Variants in TMEM163 observed in about 807,000 individuals in gnomAD.
The protein encoded by TMEM163 is transmembrane protein 163.
TMEM163 carries 17 observed loss-of-function variants against 29.3 expected under a neutral mutation model. That is an observed-to-expected ratio of 0.58 (90% CI 0.40 to 0.87). The LOEUF (loss-of-function observed/expected upper bound fraction) is 0.87. Among genes scored for constraint, TMEM163 ranks in the 40% least tolerant of loss-of-function variants. TMEM163 has a pLI of 0.00. For missense variants in TMEM163, 303 were observed against 381.5 expected (o/e 0.79, Z 1.71); for synonymous variants, 157 against 160.6 (o/e 0.98, Z 0.17).
At chr2:134,636,863 G>A (rs1683116132) in intron 2 of TMEM163, among the ~76,000 whole-genome samples, 1 of 152,134 alleles carries the variant, frequency 6.6e-6, no homozygotes, top group African/African-American at 2.4e-5. Flanking sequence ...TGGCTCCTCT[G>A]GTCTTGTGGT....
intron 5 of TMEM163, among the ~76,000 whole-genome samples, chr2:134,485,450 G>A (rs1172153623): frequency 2.0e-5 from 3 of 152,182 alleles, no homozygotes; most frequent in African/African-American, 2.4e-5. Context: ...ATTTAGAAAC[G>A]TATTACAAGG....
At chr2:134,660,622 A>G (rs761655904) in intron 2 of TMEM163, among the ~76,000 whole-genome samples, 13 of 152,180 alleles carry the variant, frequency 8.5e-5, no homozygotes, top group Non-Finnish European at 1.9e-4. Flanking sequence ...CTCATCTTCT[A>G]AATGTGCCCA....
rs377245779 is a variant in TMEM163, at chr2:134,468,470, G to C, written c.556-2245C>G. On this transcript the variant is annotated intron_variant, in intron 5 of 7. Transcript: ENST00000281924. ...CTGTGGTGTTTTGTTATAACAGCTAGAACTGACTAAGACACATGACCAAAG... is the reference window on the plus strand; with the variant it reads ...CTGTGGTGTTTTGTTATAACAGCTACAACTGACTAAGACACATGACCAAAG... 7.2e-5 allele frequency: 11 copies of C among 152,354 alleles called. No homozygotes were observed. The South Asian group carries it at 1.5e-3, about 20-fold the overall frequency. The allele number at this position is 152,354 out of a possible 1,614,324, so 9.4% of individuals were successfully genotyped here. A position where few individuals can be genotyped will look rare whatever the true frequency, so the allele number is the denominator to read the frequency against.
intron 4 of TMEM163, among the ~76,000 whole-genome samples, chr2:134,520,710 C>A (rs953806817): frequency 6.6e-6 from 1 of 152,196 alleles, no homozygotes; most frequent in Non-Finnish European, 1.5e-5. Context: ...CTGACTTGCC[C>A]ATTACTAACC....
intron 2 of TMEM163, among the ~76,000 whole-genome samples, chr2:134,607,627 G>A (rs9678427): frequency 0.3 from 412 of 1,392 alleles, 5 homozygotes; most frequent in Non-Finnish European, 0.46. Flanking sequence ...CGAGAACTGT[G>A]CTGGTGAAAA....
chr2:134,458,959 G>A (rs1216087520), intron 6 of TMEM163: 1 of 152,024 alleles, frequency 6.6e-6, no homozygotes, highest in Non-Finnish European at 1.5e-5. Context: ...CAGCTTACAT[G>A]TGATACTTCT....
At chr2:134,465,818 C>T (rs140106795) in intron 6 of TMEM163, among the ~76,000 whole-genome samples, 293 of 152,306 alleles carry the variant, frequency 1.9e-3, no homozygotes, top group Non-Finnish European at 3.3e-3. Flanking sequence ...ACCCAAGACT[C>T]CAGGAAGCCC....
intron 4 of TMEM163, among the ~76,000 whole-genome samples, chr2:134,534,813 G>C (rs144151979): frequency 2.6e-5 from 4 of 152,024 alleles, no homozygotes; most frequent in African/African-American, 9.7e-5. Context: ...AGAAAAGGCC[G>C]TAAAGAGTCT....
intron 2 of TMEM163, among the ~76,000 whole-genome samples, chr2:134,638,113 C>A (rs1425713418): frequency 6.6e-6 from 1 of 152,142 alleles, no homozygotes; most frequent in African/African-American, 2.4e-5. Flanking sequence ...TGCCTCTCAC[C>A]TTTTTAAAAA....
At chr2:134,465,219 A>AAT (rs767806354) in intron 6 of TMEM163, among the ~76,000 whole-genome samples, 12 of 135,966 alleles carry the variant, frequency 8.8e-5, no homozygotes, top group South Asian at 4.6e-4. Flanking sequence ...ACAAAACAAA[A>AAT]ATATATATAT....
intron 2 of TMEM163, among the ~76,000 whole-genome samples, chr2:134,561,428 T>C (rs1485628258): frequency 1.3e-5 from 2 of 150,178 alleles, no homozygotes; most frequent in African/African-American, 4.9e-5. Context: ...CAGAATGGTC[T>C]CGATCTACTG....
intron 5 of TMEM163, among the ~76,000 whole-genome samples, chr2:134,499,790 C>G (rs1218485971): frequency 6.6e-6 from 1 of 152,184 alleles, no homozygotes; most frequent in Non-Finnish European, 1.5e-5. Flanking sequence ...GCAACTGAGA[C>G]TAAGGGGGAG....
At position 134,718,985 on chromosome 2, in the gene TMEM163, C is replaced by G; in HGVS notation, c.-50G>C. 1 of 1,003,732 alleles carries G rather than the reference C, an allele frequency of 1.0e-6. No homozygotes were observed. Among genetic ancestry groups the G allele is most frequent in the Non-Finnish European group, 1.2e-6 (1 of 841,904 alleles). 62.2% of individuals were successfully genotyped at this position (1,003,732 alleles called of 1,614,324 possible). On this transcript the variant is annotated 5_prime_UTR_variant, in exon 1 of 8. Transcript: ENST00000281924. ...GCGGCGACGACAAGCGCGGCGGGGA[C>G]TCGAGTCAGAAGTGCGAGGCGCCGC...
At position 134,470,250 on chromosome 2, in the gene TMEM163, G is replaced by A. The variant is rs1686768434; in HGVS notation, c.556-4025C>T. Among the ~76,000 whole-genome samples, 2 of 152,022 alleles carry A rather than the reference G, an allele frequency of 1.3e-5. 1 individual carries two copies. The highest frequency in any genetic ancestry group is 4.1e-4 in the South Asian group (2 of 4,822). ...CGGGCGCCTGTAGTCCTAGCTACTC[G>A]GGAGGCTGAGGCAGGAGAATTGTGT... On this transcript the variant is annotated intron_variant, in intron 5 of 7. Coordinates refer to ENST00000281924, the MANE Select transcript of TMEM163 (RefSeq NM_030923.5).
intron 2 of TMEM163, among the ~76,000 whole-genome samples, chr2:134,710,286 C>T (rs556033254): frequency 6.6e-6 from 1 of 152,318 alleles, no homozygotes; most frequent in Non-Finnish European, 1.5e-5. Flanking sequence ...GGTAAAAATA[C>T]AAATCTTTCC....
chr2:134,538,937 AC>A (rs1246722053), intron 4 of TMEM163, among the ~76,000 whole-genome samples: 1 of 152,192 alleles, frequency 6.6e-6, no homozygotes, highest in African/African-American at 2.4e-5. Context: ...AACTGACTAT[AC>A]TAAAAGCCAT....
chr2:134,688,446 T>C (rs1273951992), intron 2 of TMEM163, among the ~76,000 whole-genome samples: 1 of 152,246 alleles, frequency 6.6e-6, no homozygotes, highest in Admixed American at 6.5e-5. Flanking sequence ...ATAATCTCTC[T>C]AGTCCTTATA....
At chr2:134,513,710 A>G (rs1240797597) in intron 4 of TMEM163, among the ~76,000 whole-genome samples, 1 of 152,092 alleles carries the variant, frequency 6.6e-6, no homozygotes, top group Admixed American at 6.5e-5. Flanking sequence ...ATGGGCCTCA[A>G]TGCTCCCTCC....
At chr2:134,625,997 T>C (rs892131396) in intron 2 of TMEM163, among the ~76,000 whole-genome samples, 1 of 151,532 alleles carries the variant, frequency 6.6e-6, no homozygotes, top group African/African-American at 2.4e-5. Context: ...AGTTTACAAT[T>C]GGACATCAGA....
Sources: allele counts gnomAD v4.1 joint callset (sites outside exome capture counted in the v4.1 genomes callset), GRCh38; gene constraint gnomAD v4.1.1; transcripts MANE v1.5; gene names NCBI Gene and HGNC (gene_info 2026-07-23, HGNC 2026-07-21).